The following CRMP1 variants were observed in gnomAD, a reference collection of about 807,000 sequenced individuals.
The protein encoded by CRMP1 is dihydropyrimidinase-related protein 1.
CRMP1 carries 19 observed loss-of-function variants against 68.3 expected under a neutral mutation model. The ratio of observed to expected loss-of-function variants is 0.28; its 90% CI spans 0.19 to 0.41. CRMP1 has a LOEUF of 0.41. Among genes scored for constraint, CRMP1 ranks in the 10% least tolerant of loss-of-function variants. The pLI, the probability that CRMP1 is intolerant of heterozygous loss-of-function variation, is 1.00. For missense variants in CRMP1, 791 were observed against 967.4 expected, an observed-to-expected ratio of 0.82 and a Z score of 2.42; for synonymous variants, 439 against 399.6, an observed-to-expected ratio of 1.10 and a Z score of -1.18.
chr4:5,862,021 G>C (rs573754993), intron 2 of CRMP1, among the ~76,000 whole-genome samples: 5 of 152,258 alleles, frequency 3.3e-5, no homozygotes, highest in African/African-American at 9.6e-5. Context: ...TGCCCTCCTG[G>C]GCTCCTGTGA....
At chr4:5,835,123 G>C (rs1720649082) in intron 11 of CRMP1, among the ~76,000 whole-genome samples, 1 of 152,080 alleles carries the variant, frequency 6.6e-6, no homozygotes, top group African/African-American at 2.4e-5. Context: ...TGAGCCCATA[G>C]CCCATGGGGC....
intron 1 of CRMP1, among the ~76,000 whole-genome samples, chr4:5,886,864 C>T (rs551845514): frequency 2.0e-5 from 3 of 152,350 alleles, no homozygotes; most frequent in East Asian, 3.9e-4. Flanking sequence ...ACGAATGGGC[C>T]GCTTACACCT....
In CRMP1 at chr4:5,854,750, G is replaced by T. The variant is rs946314724; in HGVS notation, c.820+1393C>A. Among the ~76,000 whole-genome samples the T allele has an allele frequency of 2.0e-5, 3 of 152,240 alleles. No homozygotes were observed. The highest frequency in any genetic ancestry group is 3.4e-3 in the Middle Eastern group (1 of 294). On this transcript the variant is annotated intron_variant, in intron 4 of 13. Coordinates refer to ENST00000324989, the MANE Select transcript of CRMP1 (RefSeq NM_001014809.3). The surrounding 1 kb of genome is among the most constrained non-coding windows in gnomAD (Gnocchi z 4.0). ...TTTCATAGAAGCAATAATGCCCAAT[G>T]GTGCAAAGGTGCAGGGACTAGAGAT...
chr4:5,822,500 G>T (rs1006538541), intron 13 of CRMP1, among the ~76,000 whole-genome samples: 1 of 152,152 alleles, frequency 6.6e-6, no homozygotes, highest in Non-Finnish European at 1.5e-5. Context: ...TGAAGGGGGG[G>T]GGGGTGGTGT....
chr4:5,852,430 C>T (rs1488607316), intron 4 of CRMP1, among the ~76,000 whole-genome samples: 1 of 152,216 alleles, frequency 6.6e-6, no homozygotes, highest in East Asian at 1.9e-4. Context: ...GAGAAGGACG[C>T]ACTAAAATGC....
Position 5,825,417 on chromosome 4 carries a change from T to C in CRMP1, c.1969+77A>G, listed in dbSNP as rs1206139198. On this transcript the variant is annotated intron_variant, in intron 13 of 13. Transcript: ENST00000324989. The surrounding 1 kb of genome is among the most constrained non-coding windows in gnomAD (Gnocchi z 4.4). Reference sequence around the variant, plus strand: ...TCTAGTGTCCAAGGCCACGTGTCCATTTCCTCAGAAGCAGCAGGAAGGACT... The same window carrying C: ...TCTAGTGTCCAAGGCCACGTGTCCACTTCCTCAGAAGCAGCAGGAAGGACT... 8 of 1,493,522 alleles carry C rather than the reference T, an allele frequency of 5.4e-6. No homozygotes were observed. Among genetic ancestry groups the C allele is most frequent in the South Asian group, 1.4e-5 (1 of 69,136 alleles). The allele number at this position is 1,493,522 out of a possible 1,614,324, so 92.5% of individuals were successfully genotyped here.
chr4:5,852,275 C>T (rs1054089783), intron 4 of CRMP1, among the ~76,000 whole-genome samples: 1 of 152,196 alleles, frequency 6.6e-6, no homozygotes, highest in Non-Finnish European at 1.5e-5. Flanking sequence ...CGTTACTGCA[C>T]CTCTCTGGGT....
intron 11 of CRMP1, among the ~76,000 whole-genome samples, chr4:5,835,538 A>G (rs893599446): frequency 1.3e-5 from 2 of 152,252 alleles, no homozygotes; most frequent in Non-Finnish European, 2.9e-5. Flanking sequence ...CCGACATACC[A>G]AATCAAATCC....
At position 5,888,011 on chromosome 4, in the gene CRMP1, C is replaced by G. The variant is rs1715721633; in HGVS notation, c.381+4578G>C. Reference sequence around the variant, plus strand: ...CCCGCGGGGAGAGGGACTCCCGGCTCCAGCCCCGCCCCGCCATGCGGGGCT... The same window carrying G: ...CCCGCGGGGAGAGGGACTCCCGGCTGCAGCCCCGCCCCGCCATGCGGGGCT... On this transcript the variant is annotated intron_variant, in intron 1 of 13. Coordinates refer to ENST00000324989, the MANE Select transcript of CRMP1 (RefSeq NM_001014809.3). The surrounding 1 kb of genome is among the most constrained non-coding windows in gnomAD (Gnocchi z 6.4). 6.6e-6 allele frequency among the ~76,000 whole-genome samples: 1 copy of G among 152,130 alleles called. No individual in the cohort carries two copies. The highest frequency in any genetic ancestry group is 6.5e-5 in the Admixed American group (1 of 15,306).
In CRMP1 at chr4:5,879,009, C is replaced by A. The variant is rs1715046096; in HGVS notation, c.382-12253G>T. On this transcript the variant is annotated intron_variant, in intron 1 of 13. Transcript: ENST00000324989. This position sits in a 1 kb window ranked among gnomAD's most constrained non-coding sequence, Gnocchi z 4.2. ...GATAAGCCCTCACCCCATCTCCCTGCCACAGAACTTGTCCACTCCATATGA... is the reference window on the plus strand; with the variant it reads ...GATAAGCCCTCACCCCATCTCCCTGACACAGAACTTGTCCACTCCATATGA... 6.6e-6 allele frequency among the ~76,000 whole-genome samples: 1 copy of A among 152,166 alleles called. No homozygotes were observed. Among genetic ancestry groups the A allele is most frequent in the Admixed American group, 6.5e-5 (1 of 15,280 alleles).
chr4:5,866,674 A>T lies in CRMP1; in HGVS notation c.464T>A (p.Leu155His), dbSNP rs750718997. The T allele has an allele frequency of 6.2e-7, 1 of 1,611,894 alleles. No homozygotes were observed. The highest frequency in any genetic ancestry group is 1.1e-5 in the South Asian group (1 of 90,674). ...TCCGTTTTGATCAACCCACTTGATA[A>T]GTCCATCCTCCAGGTAGACGTCAGC... ...LYADVYLEDG[L>H]IKQIGENLIV... The change falls in exon 2 of 14, where the codon CTT becomes CAT. Residue 155 changes from leucine to histidine, a missense_variant. Coordinates refer to ENST00000324989, the MANE Select transcript of CRMP1 (RefSeq NM_001014809.3). The surrounding 1 kb of genome is among the most constrained non-coding windows in gnomAD (Gnocchi z 5.9).
chr4:5,868,763 C>A (rs1344372237), intron 1 of CRMP1, among the ~76,000 whole-genome samples: 1 of 152,066 alleles, frequency 6.6e-6, no homozygotes, highest in African/African-American at 2.4e-5. Context: ...CACAAAACTC[C>A]TTCCTTGGTT....
Position 5,843,247 on chromosome 4 carries a change from G to C in CRMP1, c.964-86C>G. 1 of 1,386,778 alleles carries C rather than the reference G, an allele frequency of 7.2e-7. No individual in the cohort carries two copies. 85.9% of individuals were successfully genotyped at this position (1,386,778 alleles called of 1,614,324 possible). A position where few individuals can be genotyped will look rare whatever the true frequency, so the allele number is the denominator to read the frequency against. On this transcript the variant is annotated intron_variant, in intron 6 of 13. Coordinates refer to ENST00000324989, the MANE Select transcript of CRMP1 (RefSeq NM_001014809.3). The surrounding 1 kb of genome is among the most constrained non-coding windows in gnomAD (Gnocchi z 4.1). ...CCTCCAACCCCCTGGTTAGACAGAGGGGGCAGCTGGGTCCCAAAGAGGCGA... is the reference window on the plus strand; with the variant it reads ...CCTCCAACCCCCTGGTTAGACAGAGCGGGCAGCTGGGTCCCAAAGAGGCGA...
chr4:5,841,744 C>T lies in CRMP1; in HGVS notation c.1033-316G>A, dbSNP rs563943714. Among the ~76,000 whole-genome samples the T allele has an allele frequency of 6.6e-6, 1 of 152,326 alleles. No individual in the cohort carries two copies. The highest frequency in any genetic ancestry group is 2.1e-4 in the South Asian group (1 of 4,828). On this transcript the variant is annotated intron_variant, in intron 7 of 13. Transcript: ENST00000324989. The surrounding 1 kb of genome is among the most constrained non-coding windows in gnomAD (Gnocchi z 6.9). Reference sequence around the variant, plus strand: ...TGGGCTGTGGAGCTCATGAAGAGCACTGGGTGGGATCTCAAGCCCCTCAGG... The same window carrying T: ...TGGGCTGTGGAGCTCATGAAGAGCATTGGGTGGGATCTCAAGCCCCTCAGG...
At chr4:5,862,001 C>T (rs1194420438) in intron 2 of CRMP1, among the ~76,000 whole-genome samples, 1 of 152,224 alleles carries the variant, frequency 6.6e-6, no homozygotes, top group Non-Finnish European at 1.5e-5. Flanking sequence ...GCAGCCAAGA[C>T]AGCAGCCTCT....
chr4:5,877,990 T>C lies in CRMP1; in HGVS notation c.382-11234A>G, dbSNP rs1324827573. On this transcript the variant is annotated intron_variant, in intron 1 of 13. Coordinates refer to ENST00000324989, the MANE Select transcript of CRMP1 (RefSeq NM_001014809.3). This position sits in a 1 kb window ranked among gnomAD's most constrained non-coding sequence, Gnocchi z 4.3. ...GTTCTGGTCTGTGCTTCTTGCTTTA[T>C]AGAAAGAAATCCGAACAGAACTCCT... Among the ~76,000 whole-genome samples the C allele has an allele frequency of 1.3e-5, 2 of 152,248 alleles. No homozygotes were observed. Among genetic ancestry groups the C allele is most frequent in the South Asian group, 2.1e-4 (1 of 4,830 alleles).
At chr4:5,839,371 G>T in intron 9 of CRMP1, 151 bp downstream of exon 9, 1 of 953,338 alleles carries the variant, frequency 1.0e-6, no homozygotes, top group Non-Finnish European at 1.5e-6. Context: ...AGGGCCTGTT[G>T]TAAGCCATAT....
chr4:5,840,974 G>GATAC (rs1245521387), intron 8 of CRMP1, among the ~76,000 whole-genome samples: 1 of 126,290 alleles, frequency 7.9e-6, no homozygotes, highest in Non-Finnish European at 1.7e-5. Flanking sequence ...GTACATGTAA[G>GATAC]ATACTGAATT....
chr4:5,844,964 C>T (rs887706712), intron 6 of CRMP1, among the ~76,000 whole-genome samples: 1 of 152,182 alleles, frequency 6.6e-6, no homozygotes, highest in African/African-American at 2.4e-5. Flanking sequence ...ATCCAAATAT[C>T]CAACAACTGG....
Sources: gnomAD v4.1 joint callset for allele counts (sites outside exome capture counted in the v4.1 genomes callset) on GRCh38, gnomAD v4.1.1 for gene constraint, Gnocchi (gnomAD v3.1) non-coding constraint, MANE v1.5 for transcripts, NCBI Gene and HGNC (gene_info 2026-07-23, HGNC 2026-07-21) for gene names.